Variants in STAG1 observed in about 807,000 individuals in gnomAD.
The protein encoded by STAG1 is cohesin subunit SA-1.
A neutral mutation model predicts 170.9 loss-of-function variants in STAG1; 26 were observed. The ratio of observed to expected loss-of-function variants is 0.15; its 90% CI spans 0.11 to 0.21. The LOEUF (loss-of-function observed/expected upper bound fraction) is 0.21, where lower values mean the gene tolerates loss of function less well. Ranked by LOEUF, STAG1 falls within the 10% of genes least tolerant of loss-of-function variation. The pLI is 1.00. For missense variants in STAG1, 964 were observed against 1,509.5 expected, an observed-to-expected ratio of 0.64 and a Z score of 5.99; for synonymous variants, 514 against 497.7, an observed-to-expected ratio of 1.03 and a Z score of -0.44.
intron 15 of STAG1, among the ~76,000 whole-genome samples, chr3:136,434,459 T>C (rs997987904): frequency 6.6e-6 from 1 of 152,220 alleles, no homozygotes; most frequent in South Asian, 2.1e-4. Context: ...GAATATATTT[T>C]CTATTTTTCC....
intron 5 of STAG1, among the ~76,000 whole-genome samples, chr3:136,556,665 C>A (rs1376738229): frequency 3.3e-5 from 5 of 151,936 alleles, no homozygotes; most frequent in African/African-American, 1.2e-4. Flanking sequence ...TCACTGCAAT[C>A]TTCACCTCCT....
Position 136,604,467 on chromosome 3 carries a change from T to C in STAG1, c.139A>G (p.Asn47Asp). The change falls in exon 4 of 34, where the codon AAT (asparagine) becomes GAT (aspartate). Residue 47 changes from asparagine to aspartate, a missense_variant. By Grantham distance (23) the Asn-to-Asp change is conservative (BLOSUM62 1). Around this residue, in one of 11 missense-constraint regions of STAG1, gnomAD observed 108 missense variants for 120.2 expected, o/e 0.90. Coordinates refer to ENST00000383202, the MANE Select transcript of STAG1 (RefSeq NM_005862.3). ...RGRPGRPPSTNKKPRKSPGEK... is the reference protein window; with the variant it reads ...RGRPGRPPSTDKKPRKSPGEK... ...CCTGGAGATTTTCGAGGTTTCTTAT[T>C]TGTAGACTGAAAAAAAGATAAAAAA... 4.4e-6 allele frequency: 7 copies of C among 1,589,166 alleles called. No homozygotes were observed. In the Middle Eastern group the frequency reaches 1.2e-3, roughly 268 times the overall value.
At chr3:136,561,135 T>C (rs1936821922) in intron 5 of STAG1, among the ~76,000 whole-genome samples, 2 of 152,180 alleles carry the variant, frequency 1.3e-5, no homozygotes, top group Non-Finnish European at 2.9e-5. Flanking sequence ...TCTCAACATA[T>C]ATTAGAGATA....
chr3:136,631,963 A>C (rs1465134514), intron 1 of STAG1, among the ~76,000 whole-genome samples: 1 of 152,184 alleles, frequency 6.6e-6, no homozygotes, highest in Non-Finnish European at 1.5e-5. Flanking sequence ...ATCAAACTAC[A>C]CAAACTGCTA....
intron 1 of STAG1, chr3:136,736,402 T>C: frequency 2.3e-6 from 2 of 884,054 alleles, no homozygotes; most frequent in East Asian, 2.4e-5. Flanking sequence ...TACTACTCTA[T>C]GTTGGGGTGG....
chr3:136,571,480 G>C (rs923901521), intron 4 of STAG1, among the ~76,000 whole-genome samples: 1 of 151,962 alleles, frequency 6.6e-6, no homozygotes, highest in African/African-American at 2.4e-5. Flanking sequence ...GAGATAAGAG[G>C]ATCACTTGAG....
At chr3:136,502,961 A>G (rs1169330077) in intron 7 of STAG1, among the ~76,000 whole-genome samples, 182 bp from the exon 8 acceptor site, 2 of 152,138 alleles carry the variant, frequency 1.3e-5, no homozygotes, top group African/African-American at 4.8e-5. Flanking sequence ...CTGCAACATA[A>G]TTTTCTCTAC....
intron 9 of STAG1, among the ~76,000 whole-genome samples, chr3:136,496,749 A>C (rs951332463): frequency 1.3e-5 from 2 of 152,206 alleles, no homozygotes; most frequent in African/African-American, 4.8e-5. Context: ...GAGCTGAAGA[A>C]GTGAAACCCA....
chr3:136,660,813 T>A (rs573460585), intron 1 of STAG1, among the ~76,000 whole-genome samples: 77 of 151,270 alleles, frequency 5.1e-4, no homozygotes, highest in Admixed American at 4.1e-3. Context: ...AAAAAAAAAA[T>A]AAAAAATTAG....
chr3:136,508,233 T>C (rs367821880), intron 7 of STAG1, among the ~76,000 whole-genome samples: 2 of 152,312 alleles, frequency 1.3e-5, no homozygotes, highest in African/African-American at 4.8e-5. Context: ...TAGATATTCC[T>C]TGAAGGAATT....
intron 12 of STAG1, among the ~76,000 whole-genome samples, chr3:136,467,538 A>T (rs1484544869): frequency 6.6e-6 from 1 of 152,196 alleles, no homozygotes; most frequent in Non-Finnish European, 1.5e-5. Flanking sequence ...AAAGAGAGTT[A>T]GACTCCCACA....
At chr3:136,640,651 G>A (rs1047479432) in intron 1 of STAG1, among the ~76,000 whole-genome samples, 12 of 150,320 alleles carry the variant, frequency 8.0e-5, no homozygotes, top group African/African-American at 2.9e-4. Flanking sequence ...TTACAGGCAT[G>A]AGCCACCGCA....
chr3:136,752,068 C>G (rs1935289439), intron 1 of STAG1, 127 bp downstream of exon 1: 1 of 153,384 alleles, frequency 6.5e-6, no homozygotes, highest in Non-Finnish European at 1.5e-5. Context: ...CCCGCCCGCT[C>G]GCCGCTCGCG....
At chr3:136,745,772 G>A (rs1443801029) in intron 1 of STAG1, among the ~76,000 whole-genome samples, 1 of 152,148 alleles carries the variant, frequency 6.6e-6, no homozygotes, top group Non-Finnish European at 1.5e-5. Flanking sequence ...GGGCCACATT[G>A]GAAGAAGAAT....
intron 4 of STAG1, 99 bp downstream of exon 4, chr3:136,604,210 T>A: frequency 9.3e-7 from 1 of 1,080,300 alleles, no homozygotes. Flanking sequence ...GCTTACATAA[T>A]CAACAGAAGT....
intron 9 of STAG1, among the ~76,000 whole-genome samples, chr3:136,487,699 A>G (rs1671056443): frequency 6.6e-6 from 1 of 152,302 alleles, no homozygotes; most frequent in African/African-American, 2.4e-5. Flanking sequence ...GCAAAATTAC[A>G]ACTGATGTGG....
intron 9 of STAG1, among the ~76,000 whole-genome samples, chr3:136,478,431 T>A (rs2089818606): frequency 6.6e-6 from 1 of 152,206 alleles, no homozygotes; most frequent in Admixed American, 6.5e-5. Flanking sequence ...CATCACAAGG[T>A]TATTAGCCTT....
intron 1 of STAG1, among the ~76,000 whole-genome samples, chr3:136,643,109 T>C (rs1056933890): frequency 3.9e-5 from 6 of 152,250 alleles, no homozygotes; most frequent in African/African-American, 1.4e-4. Context: ...GTTGCATTCA[T>C]AGGTATAGGA....
intron 16 of STAG1, among the ~76,000 whole-genome samples, chr3:136,427,383 A>T (rs2088163085): frequency 6.6e-6 from 1 of 152,196 alleles, no homozygotes; most frequent in Non-Finnish European, 1.5e-5. Flanking sequence ...GACACTAATC[A>T]TCTTTGCATG....
Sources: gnomAD v4.1 joint callset for allele counts (sites outside exome capture counted in the v4.1 genomes callset) on GRCh38, gnomAD v4.1.1 for gene constraint, gnomAD v4.1.1 regional missense constraint, MANE v1.5 for transcripts, NCBI Gene and HGNC (gene_info 2026-07-23, HGNC 2026-07-21) for gene names.